Variants in CFAP100 observed in about 807,000 individuals in gnomAD.
The protein encoded by CFAP100 is cilia- and flagella-associated protein 100.
CFAP100 carries 70 observed loss-of-function variants against 81.5 expected under a neutral mutation model. That is an observed-to-expected ratio of 0.86 (90% CI 0.71 to 1.05). CFAP100 has a LOEUF of 1.05. CFAP100 is among the 50% of genes least tolerant of loss of function. The pLI, the probability that CFAP100 is intolerant of heterozygous loss-of-function variation, is 0.00. For synonymous variants in CFAP100, 341 were observed against 314.8 expected, an observed-to-expected ratio of 1.08 and a Z score of -0.88; for missense variants, 811 against 776.5, an observed-to-expected ratio of 1.04 and a Z score of -0.53.
intron 11 of CFAP100, among the ~76,000 whole-genome samples, 178 bp downstream of exon 11, chr3:126,420,407 AC>A (rs1215842412): frequency 1.3e-5 from 2 of 152,244 alleles, no homozygotes; most frequent in Non-Finnish European, 2.9e-5. Context: ...AGGGAGTAGG[AC>A]CTGTGGGCAG....
At position 126,423,541 on chromosome 3, in the gene CFAP100, CGA is replaced by C; in HGVS notation, c.1187_1188del (p.Glu396AlafsTer60). On this transcript the variant is annotated frameshift_variant, in exon 13 of 17. Coordinates refer to ENST00000352312, the MANE Select transcript of CFAP100 (RefSeq NM_182628.3). LOFTEE classifies it high-confidence loss of function. ...GCCCCAGCAGCTCCTGGATGTCTTC[CGA>C]GAGCTGGAGGAGCAGAACCTGTCGC... The part of the protein sequence containing the change: ...TEPQQLLDVF[R>X]ELEEQNLSLI... 1 of 1,614,154 alleles carries C rather than the reference CGA, an allele frequency of 6.2e-7. No homozygotes were observed. The highest frequency in any genetic ancestry group is 8.5e-7 in the Non-Finnish European group (1 of 1,180,026).
In CFAP100 at chr3:126,433,366, T is replaced by C. The variant is rs1044269991; in HGVS notation, c.1422+162T>C. ...CTCCCTCCAGGAGCCACCACATGTA[T>C]TGATGCCTGTGCCAGCCAGCTTGGT... is the stretch of plus-strand genomic sequence containing the variant. On this transcript the variant is annotated intron_variant, in intron 14 of 16. Transcript: ENST00000352312. The C allele has an allele frequency of 1.0e-5, 8 of 772,986 alleles. No homozygotes were observed. In the Admixed American group the frequency reaches 1.7e-4, roughly 16 times the overall value. 47.9% of individuals were successfully genotyped at this position (772,986 alleles called of 1,614,324 possible).
At chr3:126,401,412 T>C (rs1447009749) in intron 2 of CFAP100, among the ~76,000 whole-genome samples, 2 of 79,844 alleles carry the variant, frequency 2.5e-5, no homozygotes, top group African/African-American at 1.0e-4. Flanking sequence ...TATATATATA[T>C]ATATATATAT....
intron 4 of CFAP100, among the ~76,000 whole-genome samples, chr3:126,415,379 C>T (rs115007190): frequency 0.018 from 2,771 of 150,696 alleles, 95 homozygotes; most frequent in African/African-American, 0.064. Context: ...GGCAGGCTCT[C>T]CCACTTATAC....
At chr3:126,396,566 C>T (rs2082891921) in intron 2 of CFAP100, 1 of 156,712 alleles carries the variant, frequency 6.4e-6, no homozygotes, top group Non-Finnish European at 1.4e-5. Flanking sequence ...CTGCAAAGAC[C>T]TTATTTCCAA....
In CFAP100 at chr3:126,407,155, C is replaced by A. The variant is rs778077562; in HGVS notation, c.50-17C>A. 2 of 1,605,916 alleles carry A rather than the reference C, an allele frequency of 1.2e-6. No homozygotes were observed. Among genetic ancestry groups the A allele is most frequent in the South Asian group, 2.2e-5 (2 of 90,758 alleles). On this transcript the variant is annotated splice_polypyrimidine_tract_variant and intron_variant, in intron 2 of 16. Coordinates refer to ENST00000352312, the MANE Select transcript of CFAP100 (RefSeq NM_182628.3). The stretch of plus-strand genomic sequence containing the variant: ...AGGGGAGTCACTGCTGCGGCCCTCA[C>A]TTTTGTGTCTCCTCAGAGAACAGCC...
At chr3:126,433,967 G>A (rs1933343524) in intron 14 of CFAP100, 4 of 550,976 alleles carry the variant, frequency 7.3e-6, no homozygotes, top group African/African-American at 1.9e-5. Context: ...CCAGGGATCT[G>A]GCTGACTCCA....
rs142638115 is a variant in CFAP100 at position 126,436,528 on chromosome 3, TC to T, written c.*125del. The T allele has an allele frequency of 1.9e-3, 1,251 of 667,980 alleles. 10 individuals carry two copies. In the African/African-American group the frequency reaches 0.02, roughly 11 times the overall value. 41.4% of individuals were successfully genotyped at this position (667,980 alleles called of 1,614,324 possible). On this transcript the variant is annotated 3_prime_UTR_variant, in exon 17 of 17. Transcript: ENST00000352312. ...CTCTGTCTCCTGTGTGCTCCCTTCC[TC>T]ACCTGAATAAATTCATGTCTCTCTG...
chr3:126,408,933 T>C (rs1183351148), intron 3 of CFAP100, among the ~76,000 whole-genome samples: 1 of 152,074 alleles, frequency 6.6e-6, no homozygotes, highest in Non-Finnish European at 1.5e-5. Flanking sequence ...GGACAACAGG[T>C]GCGCACCAAC....
At chr3:126,433,674 C>T (rs11916460) in intron 14 of CFAP100, 16,618 of 195,878 alleles carry the variant, frequency 0.085, 886 homozygotes, top group African/African-American at 0.13. Flanking sequence ...TGCTGTGTGC[C>T]AGGCACAGGG....
At chr3:126,435,698 G>T (rs142161475) in intron 16 of CFAP100, 46 bp downstream of exon 16, 1 of 1,497,438 alleles carries the variant, frequency 6.7e-7, no homozygotes, top group South Asian at 1.2e-5. Context: ...GGGGTCCCAA[G>T]ACAGCATGGC....
At chr3:126,403,319 G>C (rs551234116) in intron 2 of CFAP100, among the ~76,000 whole-genome samples, 13 of 152,016 alleles carry the variant, frequency 8.6e-5, no homozygotes, top group Non-Finnish European at 1.0e-4. Flanking sequence ...AAAAGACTCC[G>C]ATGGATAGAG....
At chr3:126,417,556 C>T (rs561915083) in intron 5 of CFAP100, among the ~76,000 whole-genome samples, 4 of 152,150 alleles carry the variant, frequency 2.6e-5, no homozygotes, top group East Asian at 1.9e-4. Flanking sequence ...GGGGGTTAGA[C>T]GGGGAGACAG....
chr3:126,419,137 C>A lies in CFAP100; in HGVS notation c.712C>A (p.Gln238Lys). 6.3e-7 allele frequency: 1 copy of A among 1,583,068 alleles called. No homozygotes were observed. Among genetic ancestry groups the A allele is most frequent in the Non-Finnish European group, 8.6e-7 (1 of 1,163,246 alleles). ...CCTTGAGATCCGGGACCTCACCACC[C>A]AGATTGTTAATATCAAAAGGTGAGG... is the stretch of plus-strand genomic sequence containing the variant. ...KILEIRDLTT[Q>K]IVNIKSEISR... The change falls in exon 8 of 17, where the codon CAG becomes AAG. Residue 238 changes from glutamine to lysine, a missense_variant. By Grantham distance (53) the Gln-to-Lys change is moderately conservative. Coordinates refer to ENST00000352312, the MANE Select transcript of CFAP100 (RefSeq NM_182628.3).
Position 126,416,526 on chromosome 3 carries a change from C to CG in CFAP100, c.418+24dup, listed in dbSNP as rs768482450. 8.5e-6 allele frequency: 13 copies of CG among 1,535,074 alleles called. No homozygotes were observed. Among genetic ancestry groups the CG allele is most frequent in the Middle Eastern group, 3.4e-4 (2 of 5,824 alleles). ...GACCAAAGGTGCGTCCCCTCCGGCG[C>CG]GGGGGGACCTGGGCCAGTGGCGTCC... is the stretch of plus-strand genomic sequence containing the variant. On this transcript the variant is annotated intron_variant, in intron 5 of 16. Transcript: ENST00000352312.
At chr3:126,395,627 G>A (rs2082876195) in intron 1 of CFAP100, among the ~76,000 whole-genome samples, 1 of 152,194 alleles carries the variant, frequency 6.6e-6, no homozygotes, top group Non-Finnish European at 1.5e-5. Context: ...CTCTAAAGAG[G>A]TGACATTTGA....
intron 14 of CFAP100, chr3:126,433,546 G>A (rs528555498): frequency 1.3e-4 from 34 of 267,044 alleles, no homozygotes; most frequent in Admixed American, 1.0e-3. Context: ...GGAGAGAAGA[G>A]AAAGCCAGTG....
chr3:126,401,912 G>C (rs1429866209), intron 2 of CFAP100, among the ~76,000 whole-genome samples: 1 of 152,202 alleles, frequency 6.6e-6, no homozygotes, highest in Non-Finnish European at 1.5e-5. Flanking sequence ...TGCAGGTTTT[G>C]CCTCCATGAC....
At chr3:126,429,587 T>A (rs1180444543) in intron 13 of CFAP100, among the ~76,000 whole-genome samples, 1 of 150,330 alleles carries the variant, frequency 6.7e-6, no homozygotes, top group Non-Finnish European at 1.5e-5. Flanking sequence ...CTGCTTTGAT[T>A]CTTTTCTCTT....
Sources: allele counts gnomAD v4.1 joint callset (sites outside exome capture counted in the v4.1 genomes callset), GRCh38; gene constraint gnomAD v4.1.1; transcripts MANE v1.5; gene names NCBI Gene and HGNC (gene_info 2026-07-23, HGNC 2026-07-21).